Variants in DGKI observed in about 807,000 individuals in gnomAD.
DGKI encodes the protein DAG kinase iota.
A neutral mutation model predicts 147.5 loss-of-function variants in DGKI; 55 were observed. That is an observed-to-expected ratio of 0.37 (90% CI 0.30 to 0.47). DGKI has a LOEUF of 0.47. DGKI is among the 20% of genes least tolerant of loss of function. The pLI is 1.00. For missense variants in DGKI, 1,007 were observed against 1,323.8 expected (o/e 0.76, Z 3.71); for synonymous variants, 469 against 477.1 (o/e 0.98, Z 0.22).
intron 1 of DGKI, among the ~76,000 whole-genome samples, chr7:137,698,964 T>G (rs752159164): frequency 7.9e-5 from 12 of 152,216 alleles, no homozygotes; most frequent in Non-Finnish European, 1.6e-4. Context: ...ATGCTGTCCA[T>G]GAAATGCTAT....
At chr7:137,635,978 G>A (rs1781079647) in intron 6 of DGKI, among the ~76,000 whole-genome samples, 1 of 152,184 alleles carries the variant, frequency 6.6e-6, no homozygotes, top group Non-Finnish European at 1.5e-5. Flanking sequence ...GCTGCACCCA[G>A]TTACTTTGGA....
chr7:137,582,432 CTCTATA>C (rs1028948142), intron 14 of DGKI, among the ~76,000 whole-genome samples: 9 of 150,216 alleles, frequency 6.0e-5, no homozygotes, highest in Admixed American at 6.0e-4. Context: ...CTCTCTCTCT[CTCTATA>C]TATATATATA....
At chr7:137,526,693 A>G (rs957719783) in intron 20 of DGKI, among the ~76,000 whole-genome samples, 2 of 151,988 alleles carry the variant, frequency 1.3e-5, no homozygotes, top group African/African-American at 4.8e-5. Context: ...CTGCTATTCA[A>G]TTTACACTTA....
chr7:137,711,174 A>G (rs568232301), intron 1 of DGKI, among the ~76,000 whole-genome samples: 1 of 152,346 alleles, frequency 6.6e-6, no homozygotes, highest in Admixed American at 6.5e-5. Flanking sequence ...AACATGGTTC[A>G]TCACTATGGA....
intron 5 of DGKI, among the ~76,000 whole-genome samples, chr7:137,650,367 G>T (rs960605997): frequency 6.6e-6 from 1 of 152,024 alleles, no homozygotes; most frequent in African/African-American, 2.4e-5. Context: ...AAATTATTAT[G>T]GTATACAAAG....
chr7:137,412,111 A>T, intron 29 of DGKI, 59 bp downstream of exon 29: 1 of 1,452,986 alleles, frequency 6.9e-7, no homozygotes, highest in South Asian at 1.1e-5. Context: ...TTGATGAGGA[A>T]TGATGTTGAT....
chr7:137,622,261 A>C (rs535965569), intron 7 of DGKI, among the ~76,000 whole-genome samples: 1 of 152,186 alleles, frequency 6.6e-6, no homozygotes, highest in Non-Finnish European at 1.5e-5. Flanking sequence ...GACCCACAAA[A>C]TGTCCATTTC....
chr7:137,675,632 C>T (rs1585357990), intron 3 of DGKI, among the ~76,000 whole-genome samples: 1 of 148,772 alleles, frequency 6.7e-6, no homozygotes. Context: ...TTGCAGTGAG[C>T]CGAGATCACA....
intron 4 of DGKI, 61 bp downstream of exon 4, chr7:137,656,405 G>T: frequency 6.4e-7 from 1 of 1,551,062 alleles, no homozygotes; most frequent in Non-Finnish European, 8.8e-7. Context: ...AATTTACACC[G>T]GGCCTCTGAA....
At chr7:137,631,450 T>G (rs1414820369) in intron 6 of DGKI, among the ~76,000 whole-genome samples, 1 of 152,208 alleles carries the variant, frequency 6.6e-6, no homozygotes, top group Non-Finnish European at 1.5e-5. Context: ...TAATAATCTT[T>G]GCAGAGCAAT....
chr7:137,545,381 A>G (rs1368841430), intron 20 of DGKI, among the ~76,000 whole-genome samples: 3 of 152,282 alleles, frequency 2.0e-5, no homozygotes, highest in Non-Finnish European at 2.9e-5. Flanking sequence ...GGACTACATT[A>G]AGCAAAAACT....
rs1811139033 is a variant in DGKI at position 137,384,815 on chromosome 7, A to C, written c.*6405T>G. On this transcript the variant is annotated 3_prime_UTR_variant, in exon 33 of 33. Transcript: ENST00000614521. ...AAGGTCTGAGGGAAAAGATAATTTCAGTATTTCCCACTATCAAAGCCTCCC... is the reference window on the plus strand; with the variant it reads ...AAGGTCTGAGGGAAAAGATAATTTCCGTATTTCCCACTATCAAAGCCTCCC... The C allele has an allele frequency of 1.3e-5, 2 of 152,142 alleles. No homozygotes were observed. Among genetic ancestry groups the C allele is most frequent in the Non-Finnish European group, 2.9e-5 (2 of 67,992 alleles). The allele number at this position is 152,142 out of a possible 1,614,324, so 9.4% of individuals were successfully genotyped here. A position where few individuals can be genotyped will look rare whatever the true frequency, so the allele number is the denominator to read the frequency against.
intron 28 of DGKI, among the ~76,000 whole-genome samples, chr7:137,429,366 G>A (rs1193275390): frequency 6.6e-6 from 1 of 152,224 alleles, no homozygotes; most frequent in South Asian, 2.1e-4. Flanking sequence ...AAAGCTGAAA[G>A]TGGATCCCTT....
intron 1 of DGKI, among the ~76,000 whole-genome samples, chr7:137,808,692 G>C (rs1026335745): frequency 6.6e-6 from 1 of 152,150 alleles, no homozygotes; most frequent in African/African-American, 2.4e-5. Context: ...ATCAGGAAAG[G>C]CCTAAGAACT....
intron 1 of DGKI, among the ~76,000 whole-genome samples, chr7:137,764,828 T>C (rs1795961137): frequency 6.6e-6 from 1 of 152,140 alleles, no homozygotes; most frequent in Non-Finnish European, 1.5e-5. Flanking sequence ...CTCAATCCCA[T>C]CCCCACCTCC....
Position 137,623,510 on chromosome 7 carries a change from A to G in DGKI, c.849T>C (p.Ala283=). The G allele has an allele frequency of 1.2e-6, 2 of 1,614,130 alleles. No homozygotes were observed. The highest frequency in any genetic ancestry group is 1.7e-6 in the Non-Finnish European group (2 of 1,179,950). The part of the protein sequence containing the change: ...KFSFHSKEIV[A]ISCSWCKQAF... ...CCTGCTTGCACCAGGAACAGCTGAT[A>G]GCCACAATCTCTTTACTGTGGAAGG... The change falls in exon 7 of 33, where the codon GCT becomes GCC. Residue 283 remains alanine (A), a synonymous_variant. Transcript: ENST00000614521.
intron 28 of DGKI, among the ~76,000 whole-genome samples, chr7:137,422,883 C>T (rs556094650): frequency 2.0e-5 from 3 of 152,066 alleles, no homozygotes; most frequent in Admixed American, 6.5e-5. Flanking sequence ...GGATTACAGG[C>T]GTGAGCCACC....
At chr7:137,519,859 A>C (rs1816903947) in intron 21 of DGKI, among the ~76,000 whole-genome samples, 1 of 152,022 alleles carries the variant, frequency 6.6e-6, no homozygotes, top group South Asian at 2.1e-4. Context: ...CAATTCTTTT[A>C]TTGTTTTCTT....
chr7:137,592,047 G>A (rs1819636255), intron 12 of DGKI, among the ~76,000 whole-genome samples: 1 of 152,170 alleles, frequency 6.6e-6, no homozygotes, highest in South Asian at 2.1e-4. Context: ...AAAATCTTGG[G>A]AAACAATCTG....
Sources: allele counts gnomAD v4.1 joint callset (sites outside exome capture counted in the v4.1 genomes callset), GRCh38; gene constraint gnomAD v4.1.1; transcripts MANE v1.5; gene names NCBI Gene and HGNC (gene_info 2026-07-23, HGNC 2026-07-21).